Variants in COL24A1 observed in about 807,000 individuals in gnomAD.
COL24A1 encodes collagen alpha-1(XXIV) chain.
Under a neutral mutation model 253.9 loss-of-function variants are expected in COL24A1, and 224 were observed. The observed-to-expected ratio is 0.88, with a 90% confidence interval of 0.79 to 0.99. The LOEUF (loss-of-function observed/expected upper bound fraction) is 0.99. COL24A1 is among the 50% of genes least tolerant of loss of function. COL24A1 has a pLI of 0.00. For synonymous variants in COL24A1, 685 were observed against 673.7 expected (o/e 1.02, Z -0.26); for missense variants, 2,131 against 2,068.5 (o/e 1.03, Z -0.59).
chr1:86,059,156 C>T lies in COL24A1; in HGVS notation c.1771G>A (p.Gly591Ser). ...PGEQGIPGFA[G>S]NIGSPGYPGR... Reference sequence around the variant, plus strand: ...GGGTAACCGGGTGAACCAATATTACCAGCAAATCCTGGAATTCCCTGAAAT... The same window carrying T: ...GGGTAACCGGGTGAACCAATATTACTAGCAAATCCTGGAATTCCCTGAAAT... The change falls in exon 9 of 60, where the codon GGT (glycine) becomes AGT (serine). Residue 591 changes from glycine (G) to serine (S), a missense_variant. Gly to Ser is a moderately conservative substitution (Grantham distance 56). Transcript: ENST00000370571. 6.2e-7 allele frequency: 1 copy of T among 1,610,928 alleles called. No individual in the cohort carries two copies. Among genetic ancestry groups the T allele is most frequent in the Non-Finnish European group, 8.5e-7 (1 of 1,178,316 alleles).
In COL24A1 at chr1:86,046,851, C is replaced by T; in HGVS notation, c.1924G>A (p.Gly642Arg). ...TGTCTCCCCTTAAAACCCTTCTTTC[C>T]ACGGATCCCAGGAATGCCCTAGAAT... ...EGERGIPGIR[G>R]KKGFKGRQGF... Residue 642 changes from glycine to arginine, a missense_variant, in exon 12 of 60, where the codon GGA becomes AGA. By Grantham distance (125) the Gly-to-Arg change is moderately radical (BLOSUM62 -2). Transcript: ENST00000370571. 1 of 1,598,036 alleles carries T rather than the reference C, an allele frequency of 6.3e-7. No homozygotes were observed. The highest frequency in any genetic ancestry group is 8.6e-7 in the Non-Finnish European group (1 of 1,165,810).
At chr1:85,776,354 T>A (rs904388901) in intron 52 of COL24A1, among the ~76,000 whole-genome samples, 3 of 152,118 alleles carry the variant, frequency 2.0e-5, no homozygotes, top group African/African-American at 7.2e-5. Context: ...TTATGGCCCA[T>A]AACATCTTCT....
chr1:86,013,314 T>A (rs1004903143), intron 19 of COL24A1, among the ~76,000 whole-genome samples: 1 of 152,224 alleles, frequency 6.6e-6, no homozygotes, highest in African/African-American at 2.4e-5. Context: ...TTTCACATTG[T>A]AACATCCATC....
chr1:86,009,668 A>G (rs632697), intron 19 of COL24A1, among the ~76,000 whole-genome samples: 27,656 of 152,102 alleles, frequency 0.18, 3,203 homozygotes, highest in African/African-American at 0.32. Context: ...AGTTGCTCTG[A>G]GTGAGTTAGT....
In COL24A1 at chr1:86,022,268, G is replaced by C; in HGVS notation, c.2228C>G (p.Pro743Arg). ...AGGCCCTGACTTTCCTCTCATCCCT[G>C]GTGGTCCTGGTAAACCAACAGCACC... is the stretch of plus-strand genomic sequence containing the variant. ...DKGAVGLPGP[P>R]GMRGKSGPSG... Residue 743 changes from proline (P) to arginine (R), a missense_variant, in exon 18 of 60, where the codon CCA becomes CGA. Pro to Arg is a moderately radical substitution (Grantham distance 103, BLOSUM62 -2). Coordinates refer to ENST00000370571, the MANE Select transcript of COL24A1 (RefSeq NM_152890.7). 6.2e-7 allele frequency: 1 copy of C among 1,612,444 alleles called. No individual in the cohort carries two copies.
At chr1:85,997,669 A>G (rs1197938571) in intron 19 of COL24A1, among the ~76,000 whole-genome samples, 1 of 151,626 alleles carries the variant, frequency 6.6e-6, no homozygotes, top group African/African-American at 2.4e-5. Context: ...TGTAGTCCCA[A>G]CTACTCAGAG....
chr1:86,089,146 A>G lies in COL24A1; in HGVS notation c.1707+28T>C, dbSNP rs574970569. On this transcript the variant is annotated intron_variant, in intron 7 of 59. Coordinates refer to ENST00000370571, the MANE Select transcript of COL24A1 (RefSeq NM_152890.7). ...CAAAAAAAAGAAAAAAAGAAGAAAA[A>G]AAGAAAAGAAGTAAAATTCCAACTT... The G allele has an allele frequency of 5.8e-6, 9 of 1,559,970 alleles. No individual in the cohort carries two copies. In the South Asian group the frequency reaches 7.3e-5, roughly 13 times the overall value.
intron 24 of COL24A1, among the ~76,000 whole-genome samples, chr1:85,913,686 C>T (rs1382162141): frequency 6.6e-6 from 1 of 152,128 alleles, no homozygotes; most frequent in Non-Finnish European, 1.5e-5. Context: ...GGAAATGGGA[C>T]CTTCACAATG....
chr1:85,997,114 C>T (rs187134883), intron 19 of COL24A1, among the ~76,000 whole-genome samples: 15 of 143,870 alleles, frequency 1.0e-4, no homozygotes, highest in Non-Finnish European at 2.0e-4. Flanking sequence ...GGTACTTAGG[C>T]CTCATTGAAA....
intron 19 of COL24A1, among the ~76,000 whole-genome samples, chr1:86,016,743 A>G (rs919117470): frequency 1.8e-4 from 28 of 152,370 alleles, no homozygotes; most frequent in African/African-American, 6.5e-4. Flanking sequence ...AATTTGATAT[A>G]TGTACTACAG....
chr1:85,782,648 G>A (rs1477414201), intron 51 of COL24A1, among the ~76,000 whole-genome samples: 1 of 152,190 alleles, frequency 6.6e-6, no homozygotes, highest in African/African-American at 2.4e-5. Context: ...AGTTAGGAAA[G>A]CGGTATAGGA....
At chr1:86,141,320 A>G (rs1410985414) in intron 2 of COL24A1, among the ~76,000 whole-genome samples, 1 of 152,172 alleles carries the variant, frequency 6.6e-6, no homozygotes, top group Non-Finnish European at 1.5e-5. Context: ...AGGGTGGAGG[A>G]TTGAAAGTTT....
At chr1:86,127,402 T>C (rs1235665979) in intron 2 of COL24A1, among the ~76,000 whole-genome samples, 3 of 152,156 alleles carry the variant, frequency 2.0e-5, no homozygotes, top group South Asian at 2.1e-4. Flanking sequence ...TGATTCATTA[T>C]TGGATCTCTT....
chr1:85,828,294 G>C (rs991277356), intron 43 of COL24A1, among the ~76,000 whole-genome samples: 2 of 150,984 alleles, frequency 1.3e-5, no homozygotes, highest in Admixed American at 1.3e-4. Context: ...AGATAAGTTT[G>C]TTATAATTTC....
chr1:86,152,991 T>A (rs1413905163), intron 1 of COL24A1, among the ~76,000 whole-genome samples: 1 of 152,184 alleles, frequency 6.6e-6, no homozygotes, highest in African/African-American at 2.4e-5. Context: ...ATCTGGTCTC[T>A]GTTTATCTCT....
intron 24 of COL24A1, among the ~76,000 whole-genome samples, chr1:85,951,966 G>A (rs1319121669): frequency 1.3e-5 from 2 of 152,098 alleles, no homozygotes; most frequent in Non-Finnish European, 2.9e-5. Flanking sequence ...TTTTCTTACA[G>A]TCAAAAGTAG....
At chr1:85,893,475 A>AT (rs1449585814) in intron 31 of COL24A1, among the ~76,000 whole-genome samples, 1 of 152,174 alleles carries the variant, frequency 6.6e-6, no homozygotes, top group East Asian at 1.9e-4. Flanking sequence ...GACTATCTAG[A>AT]TAAAAAAAAC....
At chr1:86,019,919 A>G (rs948486952) in intron 18 of COL24A1, among the ~76,000 whole-genome samples, 2 of 152,156 alleles carry the variant, frequency 1.3e-5, no homozygotes, top group Non-Finnish European at 2.9e-5. Context: ...GTTAAAGGTG[A>G]AACAGGCTCT....
At chr1:86,001,408 T>C (rs1011527487) in intron 19 of COL24A1, among the ~76,000 whole-genome samples, 4 of 152,324 alleles carry the variant, frequency 2.6e-5, no homozygotes, top group East Asian at 1.9e-4. Context: ...CTGTCCTGCC[T>C]TTTTAGTTGA....
Sources: allele counts gnomAD v4.1 joint callset (sites outside exome capture counted in the v4.1 genomes callset), GRCh38; gene constraint gnomAD v4.1.1; transcripts MANE v1.5; gene names NCBI Gene and HGNC (gene_info 2026-07-23, HGNC 2026-07-21).